Variants in USP1 observed in about 807,000 individuals in gnomAD.
The protein encoded by USP1 is ubiquitin specific peptidase 1, also known as ubiquitin carboxyl-terminal hydrolase 1.
USP1 carries 18 observed loss-of-function variants against 72.2 expected under a neutral mutation model. The ratio of observed to expected loss-of-function variants is 0.25; its 90% CI spans 0.17 to 0.37. The LOEUF is 0.37. Ranked by LOEUF, USP1 falls within the 10% of genes least tolerant of loss-of-function variation. The pLI is 1.00. For missense variants in USP1, 759 were observed against 884.9 expected, an observed-to-expected ratio of 0.86 and a Z score of 1.81; for synonymous variants, 354 against 303.7, an observed-to-expected ratio of 1.17 and a Z score of -1.72.
chr1:62,447,631 A>G (rs1408103235), intron 7 of USP1, 120 bp downstream of exon 7: 23 of 1,058,194 alleles, frequency 2.2e-5, no homozygotes, highest in East Asian at 7.9e-5. Flanking sequence ...TTTAGTGTCT[A>G]ATGTAACCTT....
At chr1:62,448,365 G>A (rs1399005466) in intron 7 of USP1, 100 bp from the exon 8 acceptor site, 36 of 1,132,590 alleles carry the variant, frequency 3.2e-5, no homozygotes, top group Non-Finnish European at 4.1e-5. Context: ...GGAATGGGTC[G>A]GTCAATTGAA....
Position 62,450,537 on chromosome 1 carries a change from T to G in USP1, c.1914T>G (p.Asn638Lys). 1 of 1,613,926 alleles carries G rather than the reference T, an allele frequency of 6.2e-7. No homozygotes were observed. The highest frequency in any genetic ancestry group is 1.1e-5 in the South Asian group (1 of 91,070). ...AGGAAGCAAGGGGTGTGGTTGAGAA[T>G]TATAATGATGAAGAAGTGTCAATTA... is the stretch of plus-strand genomic sequence containing the variant. ...NEEEARGVVE[N>K]YNDEEVSIRV... The change falls in exon 9 of 9, where the codon AAT becomes AAG. Residue 638 changes from asparagine (N) to lysine (K), a missense_variant. This residue lies in a region of USP1 where 159 missense variants were observed against 140.9 expected (regional missense o/e 1.13). Transcript: ENST00000339950.
chr1:62,442,050 A>T, intron 3 of USP1, 145 bp from the exon 4 acceptor site: 1 of 592,504 alleles, frequency 1.7e-6, no homozygotes, highest in Non-Finnish European at 2.9e-6. Context: ...GATGAAGTGG[A>T]GAACAAATTT....
intron 2 of USP1, among the ~76,000 whole-genome samples, chr1:62,440,991 T>C (rs1645130760): frequency 1.3e-5 from 2 of 149,634 alleles, no homozygotes; most frequent in Admixed American, 1.3e-4. Flanking sequence ...ATTTTATTTT[T>C]AAGTGAGGGA....
chr1:62,448,724 T>C, intron 8 of USP1, 58 bp downstream of exon 8: 1 of 1,513,524 alleles, frequency 6.6e-7, no homozygotes, highest in Admixed American at 1.7e-5. Context: ...AAGATAAGTC[T>C]TGTTCAAAAT....
rs140511379 is a variant in USP1 at position 62,437,361 on chromosome 1, C to T, written c.-109C>T. ...CCACACTCATTCGGGTTGGACTTGC[C>T]GGCGTCACCGCCGCGGACTTCGCTT... On this transcript the variant is annotated 5_prime_UTR_variant, in exon 1 of 9. Transcript: ENST00000339950. The T allele has an allele frequency of 1.5e-5, 6 of 393,284 alleles. No homozygotes were observed. The highest frequency in any genetic ancestry group is 1.4e-4 in the East Asian group (4 of 27,832). 24.4% of individuals were successfully genotyped at this position (393,284 alleles called of 1,614,324 possible).
chr1:62,441,587 C>T lies in USP1; in HGVS notation c.270C>T (p.Cys90=). ...GACTGAATAATCTCGGCAATACTTG[C>T]TATCTTAATAGTATACTTCAGGTAA... The part of the protein sequence containing the change: ...FVGLNNLGNT[C]YLNSILQVLY... Residue 90 remains cysteine, a synonymous_variant, in exon 3 of 9, where the codon TGC becomes TGT. Coordinates refer to ENST00000339950, the MANE Select transcript of USP1 (RefSeq NM_003368.5). The T allele has an allele frequency of 6.2e-7, 1 of 1,612,244 alleles. No homozygotes were observed. Among genetic ancestry groups the T allele is most frequent in the Non-Finnish European group, 8.5e-7 (1 of 1,179,440 alleles).
intron 2 of USP1, 47 bp from the exon 3 acceptor site, chr1:62,441,441 G>A: frequency 6.7e-7 from 1 of 1,498,280 alleles, no homozygotes; most frequent in Non-Finnish European, 8.9e-7. Flanking sequence ...TTTTCACCTT[G>A]TTTCTTTAAG....
rs373075421 is a variant in USP1, at chr1:62,442,236, C to T, written c.333C>T (p.His111=). ...CCGGTTTTAAATCTGGAGTAAAGCA[C>T]TTATTTAATATTATTTCAAGGAAGA... is the stretch of plus-strand genomic sequence containing the variant. The part of the protein sequence containing the change: ...FCPGFKSGVK[H]LFNIISRKKE... Residue 111 remains histidine, a synonymous_variant, in exon 4 of 9, where the codon CAC becomes CAT. Coordinates refer to ENST00000339950, the MANE Select transcript of USP1 (RefSeq NM_003368.5). The T allele has an allele frequency of 1.5e-5, 24 of 1,605,078 alleles. No individual in the cohort carries two copies. In the East Asian group the frequency reaches 1.6e-4, roughly 10 times the overall value.
chr1:62,441,372 T>C (rs982923415), intron 2 of USP1, 116 bp from the exon 3 acceptor site: 1 of 1,235,914 alleles, frequency 8.1e-7, no homozygotes, highest in Non-Finnish European at 1.1e-6. Flanking sequence ...CTGAACAAGA[T>C]TCACATACTT....
intron 1 of USP1, 32 bp from the exon 2 acceptor site, chr1:62,439,767 A>G: frequency 8.9e-7 from 1 of 1,126,046 alleles, no homozygotes; most frequent in Non-Finnish European, 1.2e-6. Context: ...CTGATAACCA[A>G]AAACTAATGA....
chr1:62,437,632 C>G (rs1645099939), intron 1 of USP1, among the ~76,000 whole-genome samples: 1 of 151,796 alleles, frequency 6.6e-6, no homozygotes, highest in African/African-American at 2.4e-5. Flanking sequence ...CGAGGGCGCC[C>G]GGCGCGGGGG....
chr1:62,439,402 C>T (rs1413106271), intron 1 of USP1, among the ~76,000 whole-genome samples: 2 of 152,208 alleles, frequency 1.3e-5, no homozygotes, highest in Non-Finnish European at 2.9e-5. Context: ...TCAGGCTGGT[C>T]TCGAACTCCT....
intron 7 of USP1, among the ~76,000 whole-genome samples, 172 bp from the exon 8 acceptor site, chr1:62,448,293 A>G (rs1354499526): frequency 6.6e-6 from 1 of 152,222 alleles, no homozygotes; most frequent in African/African-American, 2.4e-5. Flanking sequence ...AAAGGTATGT[A>G]TACTGTTGAG....
At chr1:62,438,631 C>T (rs939751582) in intron 1 of USP1, among the ~76,000 whole-genome samples, 1 of 152,186 alleles carries the variant, frequency 6.6e-6, no homozygotes, top group African/African-American at 2.4e-5. Flanking sequence ...ATACTCTAGT[C>T]AGATAATTTT....
chr1:62,441,639 C>G (rs747875782), intron 3 of USP1, 31 bp downstream of exon 3: 2 of 1,591,678 alleles, frequency 1.3e-6, no homozygotes, highest in East Asian at 2.3e-5. Flanking sequence ...TATCATAAAG[C>G]TTTAGTAGGC....
rs1645210594 is a variant in USP1 at position 62,450,797 on chromosome 1, A to G, written c.2174A>G (p.Asn725Ser). The G allele has an allele frequency of 2.5e-6, 4 of 1,614,016 alleles. No individual in the cohort carries two copies. The highest frequency in any genetic ancestry group is 3.4e-6 in the Non-Finnish European group (4 of 1,179,970). ...GAATCCAGTGACCAAACAGGCATTA[A>G]TATTAGTGGATTTGAGAACAAAATT... ...NKESSDQTGI[N>S]ISGFENKISY... is the part of the protein sequence containing the mutation. The change falls in exon 9 of 9, where the codon AAT becomes AGT. Residue 725 changes from asparagine (N) to serine (S), a missense_variant. Around this residue, in one of 9 missense-constraint regions of USP1, gnomAD observed 159 missense variants for 140.9 expected, o/e 1.13. Transcript: ENST00000339950.
intron 2 of USP1, 75 bp from the exon 3 acceptor site, chr1:62,441,411 CTA>C (rs1645133211): frequency 2.1e-6 from 3 of 1,417,638 alleles, no homozygotes; most frequent in East Asian, 5.1e-5. Context: ...TGGGAAAAGA[CTA>C]AATCTACAGA....
At position 62,450,399 on chromosome 1, in the gene USP1, G is replaced by C. The variant is rs751271458; in HGVS notation, c.1776G>C (p.Gly592=). ...ATAGTGGCATTACAATTAGTAGTGG[G>C]CATTACACTGCTTCTGTTAAAGTCA... is the stretch of plus-strand genomic sequence containing the variant. ...VMHSGITISS[G]HYTASVKVTD... is the part of the protein sequence containing the mutation. The change falls in exon 9 of 9, where the codon GGG becomes GGC. Residue 592 remains glycine, a synonymous_variant. Transcript: ENST00000339950. The C allele has an allele frequency of 1.9e-6, 3 of 1,614,110 alleles. No individual in the cohort carries two copies. Among genetic ancestry groups the C allele is most frequent in the Non-Finnish European group, 2.5e-6 (3 of 1,180,014 alleles).
Sources: gnomAD v4.1 joint callset for allele counts (sites outside exome capture counted in the v4.1 genomes callset) on GRCh38, gnomAD v4.1.1 for gene constraint, gnomAD v4.1.1 regional missense constraint, MANE v1.5 for transcripts, NCBI Gene and HGNC (gene_info 2026-07-23, HGNC 2026-07-21) for gene names.